The following TBX5 variants were observed in gnomAD, a reference collection of about 807,000 sequenced individuals.
TBX5 encodes T-box transcription factor TBX5.
Under a neutral mutation model 51.1 loss-of-function variants are expected in TBX5, and 8 were observed. The observed-to-expected ratio is 0.16, with a 90% CI of 0.09 to 0.28. The LOEUF is 0.28. Ranked by LOEUF, TBX5 falls within the 10% of genes least tolerant of loss-of-function variation. The probability of loss-of-function intolerance (pLI) is 1.00; values close to 1 mark genes in which losing one functional copy is unlikely to be tolerated. For missense variants in TBX5, 589 were observed against 671.7 expected (o/e 0.88, Z 1.36); for synonymous variants, 302 against 266.4 (o/e 1.13, Z -1.30).
At chr12:114,403,674 C>T in intron 2 of TBX5, 78 bp downstream of exon 2, 1 of 1,576,520 alleles carries the variant, frequency 6.3e-7, no homozygotes, top group Non-Finnish European at 8.6e-7. Flanking sequence ...GTTCTGTCCC[C>T]GCAAGAGAAG....
intron 7 of TBX5, among the ~76,000 whole-genome samples, chr12:114,377,024 T>C (rs1242215258): frequency 6.6e-6 from 1 of 152,180 alleles, no homozygotes; most frequent in Non-Finnish European, 1.5e-5. Context: ...ATCTCAATTT[T>C]ACAGCTTCAC....
At chr12:114,407,472 T>C (rs1326697003), upstream of TBX5, among the ~76,000 whole-genome samples, 1 of 152,118 alleles carries the variant, frequency 6.6e-6, no homozygotes, top group Non-Finnish European at 1.5e-5. Context: ...CCCAATCCCT[T>C]TAAGTTCTCA....
intron 6 of TBX5, among the ~76,000 whole-genome samples, chr12:114,388,098 C>T (rs1870925542): frequency 6.6e-6 from 1 of 152,186 alleles, no homozygotes; most frequent in Non-Finnish European, 1.5e-5. Context: ...ATCCTCCTGC[C>T]TTGGCCTCCC....
chr12:114,398,999 G>A (rs1055475364), intron 4 of TBX5, among the ~76,000 whole-genome samples: 1 of 152,048 alleles, frequency 6.6e-6, no homozygotes, highest in Admixed American at 6.5e-5. Flanking sequence ...CGTGCAAAAA[G>A]CCTTGAAAAT....
chr12:114,393,864 G>A (rs1007948230), intron 6 of TBX5, among the ~76,000 whole-genome samples: 2 of 152,166 alleles, frequency 1.3e-5, no homozygotes, highest in African/African-American at 4.8e-5. Flanking sequence ...CAAGCTGCTG[G>A]TGGTGCAGGT....
At chr12:114,390,270 T>C (rs1198596129) in intron 6 of TBX5, among the ~76,000 whole-genome samples, 1 of 152,254 alleles carries the variant, frequency 6.6e-6, no homozygotes, top group Admixed American at 6.5e-5. Context: ...ACTCACATAC[T>C]GTAACCATGT....
chr12:114,375,621 A>C (rs1235731587), intron 7 of TBX5, among the ~76,000 whole-genome samples: 1 of 152,254 alleles, frequency 6.6e-6, no homozygotes, highest in African/African-American at 2.4e-5. Context: ...GGCTATTCTC[A>C]AAAAGACAAA....
chr12:114,401,957 T>A, intron 2 of TBX5, 37 bp from the exon 3 acceptor site: 1 of 1,577,384 alleles, frequency 6.3e-7, no homozygotes, highest in Non-Finnish European at 8.7e-7. Flanking sequence ...TAACAAGCCC[T>A]GGCAGTAGTG....
At chr12:114,384,583 T>G (rs1426100925) in intron 7 of TBX5, among the ~76,000 whole-genome samples, 2 of 152,190 alleles carry the variant, frequency 1.3e-5, no homozygotes, top group Admixed American at 6.5e-5. Flanking sequence ...TCTCTTATCT[T>G]TCTTTGAATG....
chr12:114,368,155 G>A (rs12425471), intron 7 of TBX5, among the ~76,000 whole-genome samples: 15,123 of 152,092 alleles, frequency 0.099, 885 homozygotes, highest in South Asian at 0.18. Context: ...GAAATTACAG[G>A]CTTGTGGTGC....
intron 7 of TBX5, among the ~76,000 whole-genome samples, chr12:114,375,213 A>T (rs1039694787): frequency 2.6e-5 from 4 of 152,176 alleles, no homozygotes; most frequent in Admixed American, 1.3e-4. Flanking sequence ...TCTAGTGCTC[A>T]CTCATTCTCT....
At chr12:114,380,931 A>T (rs1038813083) in intron 7 of TBX5, among the ~76,000 whole-genome samples, 2 of 151,770 alleles carry the variant, frequency 1.3e-5, no homozygotes, top group African/African-American at 4.8e-5. Context: ...ATTTTTTTTA[A>T]GACACAGATT....
chr12:114,365,894 G>T (rs949452880), intron 8 of TBX5, among the ~76,000 whole-genome samples: 2 of 151,538 alleles, frequency 1.3e-5, no homozygotes, highest in Non-Finnish European at 2.9e-5. Context: ...CACTCGCCAC[G>T]TGTATGTGTG....
intron 7 of TBX5, among the ~76,000 whole-genome samples, chr12:114,382,395 G>T (rs1341261074): frequency 6.6e-6 from 1 of 152,214 alleles, no homozygotes; most frequent in Non-Finnish European, 1.5e-5. Context: ...CAGGGGCTGT[G>T]GGTAATGTCT....
chr12:114,378,984 G>A (rs1593860195), intron 7 of TBX5, among the ~76,000 whole-genome samples: 1 of 152,316 alleles, frequency 6.6e-6, no homozygotes, highest in South Asian at 2.1e-4. Flanking sequence ...CCGTGAGAAA[G>A]TCTGAACACC....
At chr12:114,369,912 G>T (rs1341149834) in intron 7 of TBX5, among the ~76,000 whole-genome samples, 1 of 151,844 alleles carries the variant, frequency 6.6e-6, no homozygotes, top group African/African-American at 2.4e-5. Context: ...ATTTGATCCT[G>T]GCAAGAACCT....
intron 6 of TBX5, among the ~76,000 whole-genome samples, chr12:114,386,343 C>T (rs1870816995): frequency 6.6e-6 from 1 of 152,150 alleles, no homozygotes; most frequent in African/African-American, 2.4e-5. Context: ...TGTACAGTAG[C>T]AGACCCAGGT....
At chr12:114,403,531 A>G (rs538284603) in intron 2 of TBX5, among the ~76,000 whole-genome samples, 1 of 152,392 alleles carries the variant, frequency 6.6e-6, no homozygotes, top group Admixed American at 6.5e-5. Flanking sequence ...GATAACCGTC[A>G]CAATAAAGTA....
At chr12:114,363,438 G>A (rs906792067) in intron 8 of TBX5, among the ~76,000 whole-genome samples, 1 of 152,210 alleles carries the variant, frequency 6.6e-6, no homozygotes, top group Admixed American at 6.5e-5. Context: ...GGATGCTGCT[G>A]TAAATATTGA....
Sources: gnomAD v4.1 joint callset for allele counts (sites outside exome capture counted in the v4.1 genomes callset) on GRCh38, gnomAD v4.1.1 for gene constraint, MANE v1.5 for transcripts, NCBI Gene and HGNC (gene_info 2026-07-23, HGNC 2026-07-21) for gene names.